The following NKAIN2 variants were observed in gnomAD, a reference collection of about 807,000 sequenced individuals.
The protein encoded by NKAIN2 is sodium/potassium-transporting ATPase subunit beta-1-interacting protein 2.
Under a neutral mutation model 32.6 loss-of-function variants are expected in NKAIN2, and 14 were observed. The ratio of observed to expected loss-of-function variants is 0.43; its 90% CI spans 0.28 to 0.67. NKAIN2 has a LOEUF of 0.67. Among genes scored for constraint, NKAIN2 ranks in the 30% least tolerant of loss-of-function variants. NKAIN2 has a pLI of 0.17. For synonymous variants in NKAIN2, 80 were observed against 87.2 expected (o/e 0.92, Z 0.46); for missense variants, 198 against 258.3 (o/e 0.77, Z 1.60).
At chr6:124,074,257 G>T (rs1783591503) in intron 1 of NKAIN2, among the ~76,000 whole-genome samples, 1 of 152,136 alleles carries the variant, frequency 6.6e-6, no homozygotes, top group African/African-American at 2.4e-5. Flanking sequence ...GACACCTTCT[G>T]CCTGGCATGT....
intron 3 of NKAIN2, among the ~76,000 whole-genome samples, chr6:124,554,285 C>T: frequency 6.6e-6 from 1 of 152,212 alleles, no homozygotes; most frequent in Non-Finnish European, 1.5e-5. Flanking sequence ...TCGTAGAAGA[C>T]TTGCTACAGT....
chr6:123,922,220 C>T (rs1268353608), intron 1 of NKAIN2, among the ~76,000 whole-genome samples: 1 of 152,130 alleles, frequency 6.6e-6, no homozygotes, highest in Non-Finnish European at 1.5e-5. Context: ...AGTTTCTAAA[C>T]TTCTCAGCTA....
chr6:123,832,489 A>G (rs1433547123), intron 1 of NKAIN2, among the ~76,000 whole-genome samples: 2 of 152,198 alleles, frequency 1.3e-5, no homozygotes, highest in Admixed American at 1.3e-4. Context: ...AGTAAATGCC[A>G]AGAAGCGCAA....
chr6:124,435,468 G>A (rs1356500301), intron 3 of NKAIN2, among the ~76,000 whole-genome samples: 1 of 152,160 alleles, frequency 6.6e-6, no homozygotes, highest in Non-Finnish European at 1.5e-5. Context: ...TGCTGTATAT[G>A]TATTAAATCT....
chr6:123,833,071 G>A (rs1774452146), intron 1 of NKAIN2, among the ~76,000 whole-genome samples: 1 of 152,038 alleles, frequency 6.6e-6, no homozygotes, highest in African/African-American at 2.4e-5. Context: ...TCTCATAGGA[G>A]CTTATAGTTT....
intron 3 of NKAIN2, among the ~76,000 whole-genome samples, chr6:124,650,762 C>T (rs894583108): frequency 1.3e-5 from 2 of 152,152 alleles, no homozygotes; most frequent in Non-Finnish European, 2.9e-5. Context: ...GGGTGACATA[C>T]TCAAACCATA....
intron 1 of NKAIN2, among the ~76,000 whole-genome samples, chr6:124,038,666 C>T (rs1396909946): frequency 6.6e-6 from 1 of 152,080 alleles, no homozygotes; most frequent in Non-Finnish European, 1.5e-5. Context: ...ACACAATCAC[C>T]TACTCCGAAT....
chr6:123,987,786 C>T (rs754042873), intron 1 of NKAIN2, among the ~76,000 whole-genome samples: 39 of 152,122 alleles, frequency 2.6e-4, no homozygotes, highest in Non-Finnish European at 4.9e-4. Context: ...CTCCCCCTCC[C>T]CCTTCTTCTC....
intron 1 of NKAIN2, among the ~76,000 whole-genome samples, chr6:124,030,362 T>G (rs982577611): frequency 6.6e-6 from 1 of 152,162 alleles, no homozygotes; most frequent in African/African-American, 2.4e-5. Context: ...TGGGGACCAC[T>G]GCTTTAAGAT....
chr6:123,810,003 A>T, intron 1 of NKAIN2, among the ~76,000 whole-genome samples: 1 of 152,328 alleles, frequency 6.6e-6, no homozygotes, highest in East Asian at 1.9e-4. Context: ...ATGCATTTAA[A>T]AATCTAGTTT....
chr6:124,823,745 A>G lies in NKAIN2; in HGVS notation c.*516A>G, dbSNP rs1781486553. 1 of 159,082 alleles carries G rather than the reference A, an allele frequency of 6.3e-6. No individual in the cohort carries two copies. Among genetic ancestry groups the G allele is most frequent in the African/African-American group, 2.4e-5 (1 of 41,536 alleles). The allele number at this position is 159,082 out of a possible 1,614,324, so 9.9% of individuals were successfully genotyped here. A position where few individuals can be genotyped will look rare whatever the true frequency, so the allele number is the denominator to read the frequency against. ...GATGACCTTGTACCCGAAGTCCGAA[A>G]TGGCAGATTGTTTGCCCTAAAGGCT... On this transcript the variant is annotated 3_prime_UTR_variant, in exon 7 of 7. Transcript: ENST00000368417.
intron 1 of NKAIN2, among the ~76,000 whole-genome samples, chr6:123,907,594 A>G (rs1367212110): frequency 6.6e-6 from 1 of 152,162 alleles, no homozygotes; most frequent in Non-Finnish European, 1.5e-5. Context: ...ATATGACATT[A>G]ATTTTAAGTT....
intron 1 of NKAIN2, among the ~76,000 whole-genome samples, chr6:123,892,922 T>A (rs1469806935): frequency 6.6e-6 from 1 of 151,424 alleles, no homozygotes; most frequent in African/African-American, 2.4e-5. Context: ...CATCACGTAT[T>A]TTTTTCTGAA....
At chr6:124,032,097 G>T (rs1456061722) in intron 1 of NKAIN2, among the ~76,000 whole-genome samples, 4 of 151,984 alleles carry the variant, frequency 2.6e-5, no homozygotes, top group Non-Finnish European at 2.9e-5. Flanking sequence ...AAAGGGATGA[G>T]TTCATGTCCT....
chr6:124,691,726 T>C (rs532226652), intron 4 of NKAIN2, among the ~76,000 whole-genome samples: 1 of 152,290 alleles, frequency 6.6e-6, no homozygotes, highest in Non-Finnish European at 1.5e-5. Context: ...AAAAATGACC[T>C]ATTTGATTTT....
chr6:124,075,081 T>C (rs1426785217), intron 1 of NKAIN2, among the ~76,000 whole-genome samples: 1 of 152,176 alleles, frequency 6.6e-6, no homozygotes, highest in Non-Finnish European at 1.5e-5. Context: ...TATTTAAATA[T>C]CTTGGGTTAA....
chr6:124,214,351 C>G (rs758456232), intron 1 of NKAIN2, among the ~76,000 whole-genome samples: 1 of 152,114 alleles, frequency 6.6e-6, no homozygotes, highest in Non-Finnish European at 1.5e-5. Context: ...AATCCATATA[C>G]TTGCATTTTA....
At position 124,600,420 on chromosome 6, in the gene NKAIN2, T is replaced by C. The variant is rs528878500; in HGVS notation, c.274-57766T>C. On this transcript the variant is annotated intron_variant, in intron 3 of 6. Transcript: ENST00000368417. ...ACAAATAAAATGTATTTTTGAATTATGATTTATATCGTATGAAACATTTTA... is the reference window on the plus strand; with the variant it reads ...ACAAATAAAATGTATTTTTGAATTACGATTTATATCGTATGAAACATTTTA... 9.2e-5 allele frequency among the ~76,000 whole-genome samples: 14 copies of C among 152,262 alleles called. No homozygotes were observed. In the South Asian group the frequency reaches 2.9e-3, roughly 31 times the overall value.
chr6:124,048,640 G>T (rs1284157047), intron 1 of NKAIN2, among the ~76,000 whole-genome samples: 2 of 152,018 alleles, frequency 1.3e-5, no homozygotes, highest in Non-Finnish European at 2.9e-5. Flanking sequence ...TTGAAAATGT[G>T]CAAGAGACTA....
Sources: gnomAD v4.1 joint callset for allele counts (sites outside exome capture counted in the v4.1 genomes callset) on GRCh38, gnomAD v4.1.1 for gene constraint, MANE v1.5 for transcripts, NCBI Gene and HGNC (gene_info 2026-07-23, HGNC 2026-07-21) for gene names.